Variants in MED15 observed in about 807,000 individuals in gnomAD.
The protein encoded by MED15 is mediator of RNA polymerase II transcription subunit 15.
In MED15, 41 loss-of-function variants were observed where a neutral mutation model predicts 118.7. That is an observed-to-expected ratio of 0.35 (90% confidence interval 0.27 to 0.45). The LOEUF is 0.45. Ranked by LOEUF, MED15 falls within the 20% of genes least tolerant of loss-of-function variation. The pLI is 1.00. For synonymous variants in MED15, 436 were observed against 413.9 expected (o/e 1.05, Z -0.65); for missense variants, 740 against 1,025.5 (o/e 0.72, Z 3.80).
intron 4 of MED15, 159 bp from the exon 5 acceptor site, chr22:20,554,777 T>A: frequency 3.0e-6 from 2 of 664,724 alleles, no homozygotes; most frequent in South Asian, 2.0e-5. Flanking sequence ...CCATTCATAT[T>A]TGGGAGTCTC....
rs149844968 is a variant in MED15, at chr22:20,553,965, T to C, written c.238+791T>C. Among the ~76,000 whole-genome samples, 937 of 152,356 alleles carry C rather than the reference T, an allele frequency of 6.2e-3. 10 individuals are homozygous for C. The highest frequency in any genetic ancestry group is 0.021 in the African/African-American group (891 of 41,586). On this transcript the variant is annotated intron_variant, in intron 4 of 17. Coordinates refer to ENST00000263205, the MANE Select transcript of MED15 (RefSeq NM_001003891.3). ...CAGCCTTGGTCTCTGCTGACTAAGC[T>C]GCAAGGGAAGGGGTTTAACAGATCC...
intron 1 of MED15, among the ~76,000 whole-genome samples, chr22:20,526,813 C>T (rs2054662335): frequency 6.6e-6 from 1 of 152,196 alleles, no homozygotes; most frequent in Non-Finnish European, 1.5e-5. Context: ...TGTGGTGTGA[C>T]AGCCCTCAGC....
chr22:20,564,522 C>T lies in MED15; in HGVS notation c.524C>T (p.Ala175Val), dbSNP rs760620344. Residue 175 changes from alanine to valine, a missense_variant, in exon 6 of 18, where the codon GCG (alanine) becomes GTG (valine). Physicochemically the swap from Ala to Val is moderately conservative, Grantham distance 64. Coordinates refer to ENST00000263205, the MANE Select transcript of MED15 (RefSeq NM_001003891.3). ...CAGCAGTTCCAGCAGCAGCAGCAGG[C>T]GGCGCTACAGCAGCAGCAGCAGCAG... is the stretch of plus-strand genomic sequence containing the variant. ...QQQQFQQQQQ[A>V]ALQQQQQQQQ... 56 of 1,599,372 alleles carry T rather than the reference C, an allele frequency of 3.5e-5. No individual in the cohort carries two copies. The highest frequency in any genetic ancestry group is 6.7e-5 in the East Asian group (3 of 44,724).
In MED15 at chr22:20,583,963, T is replaced by TTAG. The variant is rs1272423158; in HGVS notation, c.1737-396_1737-395insTAG. ...TCAACTCAGGCTATCCCCCAACCCC[T>TTAG]GTCTAGAAGGGTCTCTCTGTTCTGC... On this transcript the variant is annotated intron_variant, in intron 13 of 17. Coordinates refer to ENST00000263205, the MANE Select transcript of MED15 (RefSeq NM_001003891.3). 2.3e-5 allele frequency: 6 copies of TTAG among 256,802 alleles called. No homozygotes were observed. In the Admixed American group the frequency reaches 2.9e-4, roughly 13 times the overall value. The allele number at this position is 256,802 out of a possible 1,614,324, so 15.9% of individuals were successfully genotyped here. A position where few individuals can be genotyped will look rare whatever the true frequency, so the allele number is the denominator to read the frequency against.
intron 2 of MED15, among the ~76,000 whole-genome samples, chr22:20,541,220 CAG>C (rs1273026807): frequency 2.0e-5 from 3 of 152,004 alleles, no homozygotes; most frequent in Non-Finnish European, 4.4e-5. Flanking sequence ...GACTGGGTGA[CAG>C]AGTGAGACTC....
intron 2 of MED15, among the ~76,000 whole-genome samples, chr22:20,539,747 A>G (rs995646192): frequency 2.6e-5 from 4 of 152,140 alleles, no homozygotes; most frequent in African/African-American, 7.2e-5. Flanking sequence ...AATACTTGTT[A>G]TTGTCTATTT....
intron 5 of MED15, among the ~76,000 whole-genome samples, chr22:20,556,207 A>G (rs1323956915): frequency 2.0e-5 from 3 of 152,200 alleles, no homozygotes; most frequent in Non-Finnish European, 2.9e-5. Flanking sequence ...GCTCTCCCCA[A>G]TAATAGTATC....
chr22:20,507,791 C>T, intron 1 of MED15, 45 bp downstream of exon 1: 2 of 1,612,334 alleles, frequency 1.2e-6, no homozygotes, highest in African/African-American at 1.3e-5. Flanking sequence ...GGACCTTCCT[C>T]CTTAGCGTGG....
At position 20,543,202 on chromosome 22, in the gene MED15, C is replaced by CT. The variant is rs67565815; in HGVS notation, c.156+6024dup. 2.5e-3 allele frequency among the ~76,000 whole-genome samples: 133 copies of CT among 54,130 alleles called. 30 individuals carry two copies. The highest frequency in any genetic ancestry group is 0.013 in the African/African-American group (127 of 10,012). 35.5% of individuals were successfully genotyped at this position (54,130 alleles called of 152,430 possible). ...CCCTTAATTTATCTCTTTCATGTTG[C>CT]TTTTTTTTTTTTTTTTTTTTTTTTT... On this transcript the variant is annotated intron_variant, in intron 2 of 17. Coordinates refer to ENST00000263205, the MANE Select transcript of MED15 (RefSeq NM_001003891.3).
chr22:20,566,435 T>C, intron 6 of MED15, 32 bp from the exon 7 acceptor site: 1 of 1,606,238 alleles, frequency 6.2e-7, no homozygotes, highest in Non-Finnish European at 8.5e-7. Context: ...GGCAGATGAG[T>C]GATAACCGAG....
At chr22:20,537,056 G>GGGCCCTGGCCAACA in intron 1 of MED15, 61 bp from the exon 2 acceptor site, 5 of 1,492,120 alleles carry the variant, frequency 3.4e-6, no homozygotes, top group Non-Finnish European at 4.6e-6. Flanking sequence ...CTGTTGGCCA[G>GGGCCCTGGCCAACA]GGCCCTGCAG....
intron 1 of MED15, chr22:20,524,415 A>G (rs1407999591): frequency 7.1e-6 from 1 of 140,752 alleles, no homozygotes; most frequent in Non-Finnish European, 1.5e-5. Flanking sequence ...AGGACAGGGA[A>G]GGGGCTTTTC....
At chr22:20,548,132 T>C (rs2055625919) in intron 2 of MED15, among the ~76,000 whole-genome samples, 1 of 152,028 alleles carries the variant, frequency 6.6e-6, no homozygotes, top group South Asian at 2.1e-4. Context: ...ACTGTGCCAC[T>C]GTGCCTAGCT....
In MED15 at chr22:20,564,529, ACAGCAGCAGCAG is replaced by A. The variant is rs747865184; in HGVS notation, c.543_554del (p.Gln185_Gln188del). ...TCCAGCAGCAGCAGCAGGCGGCGCT[ACAGCAGCAGCAG>A]CAGCAGCAGCAACAGCAGCAGTTCC... On this transcript the variant is annotated inframe_deletion, in exon 6 of 18. Coordinates refer to ENST00000263205, the MANE Select transcript of MED15 (RefSeq NM_001003891.3). 1.3e-5 allele frequency: 21 copies of A among 1,592,860 alleles called. No individual in the cohort carries two copies. Among genetic ancestry groups the A allele is most frequent in the African/African-American group, 4.0e-5 (3 of 74,224 alleles).
chr22:20,510,168 C>T (rs1389733236), intron 1 of MED15, among the ~76,000 whole-genome samples: 3 of 152,078 alleles, frequency 2.0e-5, no homozygotes, highest in South Asian at 4.1e-4. Context: ...AGGCGGATCA[C>T]GAGGTCAAGA....
At chr22:20,551,515 GT>G in intron 3 of MED15, 28 bp downstream of exon 3, 3 of 1,608,638 alleles carry the variant, frequency 1.9e-6, no homozygotes, top group Non-Finnish European at 2.6e-6. Flanking sequence ...TTTCTGGGTT[GT>G]TGAGATCTCT....
chr22:20,521,088 ATTTTTT>A (rs924603121), intron 1 of MED15, among the ~76,000 whole-genome samples: 10 of 61,502 alleles, frequency 1.6e-4, no homozygotes, highest in African/African-American at 4.0e-4. Flanking sequence ...CAGTTGTTCT[ATTTTTT>A]TTTTTTTTTT....
At position 20,566,030 on chromosome 22, in the gene MED15, CTTT is replaced by C. The variant is rs555771579; in HGVS notation, c.691-419_691-417del. ...GGTCAGCCTGTCAGCCCAGGAAGGC[CTTT>C]TTTTTTTTTTTTTTTTTGAGACTTT... On this transcript the variant is annotated intron_variant, in intron 6 of 17. Transcript: ENST00000263205. Among the ~76,000 whole-genome samples the C allele has an allele frequency of 4.6e-3, 553 of 119,562 alleles. 6 individuals carry two copies. The highest frequency in any genetic ancestry group is 0.015 in the African/African-American group (447 of 30,634). 78.4% of individuals were successfully genotyped at this position (119,562 alleles called of 152,430 possible). A position where few individuals can be genotyped will look rare whatever the true frequency, so the allele number is the denominator to read the frequency against.
chr22:20,529,829 T>G (rs2054791353), intron 1 of MED15, among the ~76,000 whole-genome samples: 1 of 152,152 alleles, frequency 6.6e-6, no homozygotes. Flanking sequence ...GGACCTCAGG[T>G]GATCCACCTG....
Sources: gnomAD v4.1 joint callset for allele counts (sites outside exome capture counted in the v4.1 genomes callset) on GRCh38, gnomAD v4.1.1 for gene constraint, MANE v1.5 for transcripts, NCBI Gene and HGNC (gene_info 2026-07-23, HGNC 2026-07-21) for gene names.